Variants in SEZ6L observed in about 807,000 individuals in gnomAD.
The protein encoded by SEZ6L is seizure related 6 homolog like.
Under a neutral mutation model 106.2 loss-of-function variants are expected in SEZ6L, and 37 were observed. That is an observed-to-expected ratio of 0.35 (90% CI 0.27 to 0.46). The LOEUF (loss-of-function observed/expected upper bound fraction) is 0.46, where lower values mean the gene tolerates loss of function less well. Ranked by LOEUF, SEZ6L falls within the 20% of genes least tolerant of loss-of-function variation. SEZ6L has a pLI of 1.00. For synonymous variants in SEZ6L, 541 were observed against 570.4 expected (o/e 0.95, Z 0.73); for missense variants, 1,172 against 1,332.8 (o/e 0.88, Z 1.88).
intron 10 of SEZ6L, among the ~76,000 whole-genome samples, chr22:26,343,748 T>A (rs2082919003): frequency 6.6e-6 from 1 of 152,352 alleles, no homozygotes; most frequent in South Asian, 2.1e-4. Context: ...TTTTCAGGGA[T>A]ACACAGCTTG....
At chr22:26,327,421 A>ACG (rs1491047103) in intron 9 of SEZ6L, among the ~76,000 whole-genome samples, 2 of 118,004 alleles carry the variant, frequency 1.7e-5, no homozygotes, top group Non-Finnish European at 3.7e-5. Flanking sequence ...ACACACACAC[A>ACG]CGCACAAACC....
chr22:26,315,164 T>C (rs1172471535), intron 9 of SEZ6L, among the ~76,000 whole-genome samples: 1 of 152,188 alleles, frequency 6.6e-6, no homozygotes, highest in African/African-American at 2.4e-5. Flanking sequence ...GACCGGCTTT[T>C]GAGGCTGTTC....
intron 1 of SEZ6L, among the ~76,000 whole-genome samples, chr22:26,253,391 GT>G (rs371666304): frequency 1.1e-4 from 17 of 152,112 alleles, no homozygotes; most frequent in African/African-American, 4.1e-4. Context: ...TATTTAGTTG[GT>G]TTTTTTGACT....
intron 1 of SEZ6L, among the ~76,000 whole-genome samples, chr22:26,184,818 C>T (rs967295162): frequency 1.3e-5 from 2 of 152,278 alleles, no homozygotes; most frequent in South Asian, 2.1e-4. Flanking sequence ...TGGTGGCTCA[C>T]GCCTGTAATC....
At chr22:26,277,630 C>T (rs1424074628) in intron 1 of SEZ6L, among the ~76,000 whole-genome samples, 1 of 152,190 alleles carries the variant, frequency 6.6e-6, no homozygotes, top group Admixed American at 6.5e-5. Flanking sequence ...CAGTAGCATA[C>T]ACCATCTACA....
chr22:26,294,313 C>G lies in SEZ6L; in HGVS notation c.857C>G (p.Ser286Cys). The G allele has an allele frequency of 6.2e-7, 1 of 1,614,132 alleles. No homozygotes were observed. The highest frequency in any genetic ancestry group is 8.5e-7 in the Non-Finnish European group (1 of 1,180,020). Residue 286 changes from serine (S) to cysteine (C), a missense_variant, in exon 3 of 17, where the codon TCC (serine) becomes TGC (cysteine). Coordinates refer to ENST00000248933, the MANE Select transcript of SEZ6L (RefSeq NM_021115.5). ...CCAGCTCTCTGCAGTGTGAGCTTCT[C>G]CAATCCTGAGGGGTACATTGACTCC... ...QAPALCSVSFSNPEGYIDSSD... is the reference protein window; with the variant it reads ...QAPALCSVSFCNPEGYIDSSD...
intron 9 of SEZ6L, among the ~76,000 whole-genome samples, chr22:26,328,629 G>C (rs1380399081): frequency 6.6e-6 from 1 of 152,130 alleles, no homozygotes; most frequent in Admixed American, 6.5e-5. Flanking sequence ...ACTGCCTTCG[G>C]AAATGGCTCA....
At chr22:26,362,229 G>A (rs1221361875) in intron 12 of SEZ6L, among the ~76,000 whole-genome samples, 2 of 152,176 alleles carry the variant, frequency 1.3e-5, no homozygotes, top group Non-Finnish European at 2.9e-5. Flanking sequence ...TTGATTCTGG[G>A]CTCAAACACA....
intron 1 of SEZ6L, among the ~76,000 whole-genome samples, chr22:26,286,350 G>A (rs1039114898): frequency 6.6e-5 from 10 of 152,190 alleles, no homozygotes; most frequent in African/African-American, 1.4e-4. Context: ...AAATCAGCTC[G>A]TTCTGTAAAT....
intron 9 of SEZ6L, among the ~76,000 whole-genome samples, chr22:26,339,000 G>A (rs1366940650): frequency 6.6e-6 from 1 of 150,650 alleles, no homozygotes; most frequent in Non-Finnish European, 1.5e-5. Flanking sequence ...CACTGCACCT[G>A]GACTCCCTAC....
chr22:26,179,714 T>C (rs1373065386), intron 1 of SEZ6L, among the ~76,000 whole-genome samples: 1 of 152,040 alleles, frequency 6.6e-6, no homozygotes, highest in African/African-American at 2.4e-5. Context: ...TCCAGGACTC[T>C]CTCCACTTCT....
rs766780388 is a variant in SEZ6L at position 26,292,744 on chromosome 22, G to T, written c.433G>T (p.Ala145Ser). 15 of 1,613,910 alleles carry T rather than the reference G, an allele frequency of 9.3e-6. No individual in the cohort carries two copies. The highest frequency in any genetic ancestry group is 1.3e-5 in the African/African-American group (1 of 74,922). Residue 145 changes from alanine to serine, a missense_variant, in exon 2 of 17, where the codon GCA (alanine) becomes TCA (serine). This residue lies in a region of SEZ6L where 494 missense variants were observed against 445.8 expected (regional missense o/e 1.11). Coordinates refer to ENST00000248933, the MANE Select transcript of SEZ6L (RefSeq NM_021115.5). ...CACCTCCGCAGCCACTGTCCAAAGG[G>T]CAGGGTCCCAGCCAGCGTCCCAGGG... ...KATSAATVQR[A>S]GSQPASQGLD...
chr22:26,211,069 C>T (rs1330215543), intron 1 of SEZ6L, among the ~76,000 whole-genome samples: 2 of 152,202 alleles, frequency 1.3e-5, no homozygotes, highest in Non-Finnish European at 2.9e-5. Flanking sequence ...GCATCTGACC[C>T]TGCCAATCCT....
intron 1 of SEZ6L, among the ~76,000 whole-genome samples, chr22:26,229,295 C>G (rs569598025): frequency 1.3e-5 from 2 of 152,290 alleles, no homozygotes; most frequent in East Asian, 1.9e-4. Flanking sequence ...CCACTCCCAG[C>G]CTTCAGAGGT....
intron 1 of SEZ6L, among the ~76,000 whole-genome samples, chr22:26,291,400 T>G (rs1317271415): frequency 6.6e-6 from 1 of 151,646 alleles, no homozygotes; most frequent in African/African-American, 2.4e-5. Flanking sequence ...TGAGAACACA[T>G]GGACACAGGG....
chr22:26,285,942 G>A (rs1430274444), intron 1 of SEZ6L, among the ~76,000 whole-genome samples: 1 of 152,162 alleles, frequency 6.6e-6, no homozygotes, highest in Non-Finnish European at 1.5e-5. Flanking sequence ...TTGTAACCGT[G>A]ATCTCCAGGA....
intron 5 of SEZ6L, among the ~76,000 whole-genome samples, chr22:26,299,469 A>G (rs1051543005): frequency 6.6e-6 from 1 of 152,144 alleles, no homozygotes; most frequent in African/African-American, 2.4e-5. Flanking sequence ...GTCACTCCCC[A>G]TCCCTCCCTC....
intron 14 of SEZ6L, 88 bp from the exon 15 acceptor site, chr22:26,375,487 C>T: frequency 1.9e-6 from 2 of 1,048,746 alleles, no homozygotes; most frequent in East Asian, 2.5e-5. Context: ...GGAAAGCCGT[C>T]TCCAAAGGGG....
intron 1 of SEZ6L, among the ~76,000 whole-genome samples, chr22:26,228,366 G>A (rs1360904517): frequency 6.6e-6 from 1 of 152,170 alleles, no homozygotes; most frequent in South Asian, 2.1e-4. Context: ...AAGGTGAGGG[G>A]CGGAGTTAGG....
Sources: allele counts gnomAD v4.1 joint callset (sites outside exome capture counted in the v4.1 genomes callset), GRCh38; gene constraint gnomAD v4.1.1; regional missense constraint gnomAD v4.1.1; transcripts MANE v1.5; gene names NCBI Gene and HGNC (gene_info 2026-07-23, HGNC 2026-07-21).